The following NEMP2 variants were observed in gnomAD, a reference collection of about 807,000 sequenced individuals.
NEMP2 encodes nuclear envelope integral membrane protein 2, also known as UPF0571 transmembrane protein.
NEMP2 carries 53 observed loss-of-function variants against 54.2 expected under a neutral mutation model. That is an observed-to-expected ratio of 0.98 (90% confidence interval 0.78 to 1.23). NEMP2 has a LOEUF of 1.23. NEMP2 is among the 50% of genes most tolerant of loss of function. The probability of loss-of-function intolerance (pLI) is 0.00; values close to 1 mark genes in which losing one functional copy is unlikely to be tolerated. For synonymous variants in NEMP2, 197 were observed against 190.3 expected (o/e 1.04, Z -0.29); for missense variants, 455 against 511.3 (o/e 0.89, Z 1.06).
chr2:190,621,436 T>G, the NEMP2 span, among the ~76,000 whole-genome samples: 1 of 152,214 alleles, frequency 6.6e-6, no homozygotes, highest in African/African-American at 2.4e-5. Context: ...ATATATGTGG[T>G]CTGTCATTGA....
At chr2:190,489,996 T>A in the NEMP2 span, 1 of 664,844 alleles carries the variant, frequency 1.5e-6, no homozygotes, top group Non-Finnish European at 2.5e-6. This position sits in a 1 kb window ranked among gnomAD's most constrained non-coding sequence, Gnocchi z 6.6. Flanking sequence ...CTGAGTGGCG[T>A]ATCGATGAAT....
chr2:190,552,066 C>T, the NEMP2 span, among the ~76,000 whole-genome samples: 1 of 152,202 alleles, frequency 6.6e-6, no homozygotes, highest in Non-Finnish European at 1.5e-5. Context: ...TGCTTAAGCA[C>T]TCTCAGTCTT....
the NEMP2 span, chr2:190,469,888 C>CT: frequency 6.8e-7 from 1 of 1,480,900 alleles, no homozygotes; most frequent in Non-Finnish European, 9.4e-7. The surrounding 1 kb of genome is among the most constrained non-coding windows in gnomAD (Gnocchi z 5.3). Context: ...AATTATTTCT[C>CT]TGCCTTCCCT....
chr2:190,639,643 T>TG, the NEMP2 span, among the ~76,000 whole-genome samples: 2 of 151,580 alleles, frequency 1.3e-5, no homozygotes, highest in African/African-American at 4.8e-5. Context: ...TGAGTTTTTT[T>TG]TTTTTGTTTT....
At chr2:190,460,409 G>T in the NEMP2 span, among the ~76,000 whole-genome samples, 49 of 152,074 alleles carry the variant, frequency 3.2e-4, no homozygotes, top group South Asian at 9.3e-3. Context: ...ATACACTCGC[G>T]TATGCACACA....
chr2:190,518,746 TC>T lies in NEMP2; in HGVS notation c.507del (p.Thr170ProfsTer2). On this transcript the variant is annotated frameshift_variant, in exon 4 of 9. Coordinates refer to ENST00000409150, the MANE Select transcript of NEMP2 (RefSeq NM_001142645.2). LOFTEE classifies it high-confidence loss of function. ...AAAAGGAATACTTACTGACTCAGGG[TC>T]CTTGCATAAAAGAAAAGAAAAACTC... is the stretch of plus-strand genomic sequence containing the variant. ...VAGVFLFFYA[R>X]TLSQSPTFYY... The T allele has an allele frequency of 6.5e-7, 1 of 1,542,766 alleles. No individual in the cohort carries two copies. The highest frequency in any genetic ancestry group is 8.7e-7 in the Non-Finnish European group (1 of 1,144,700).
chr2:190,579,146 T>C, the NEMP2 span, among the ~76,000 whole-genome samples: 4 of 152,124 alleles, frequency 2.6e-5, no homozygotes, highest in African/African-American at 7.2e-5. Flanking sequence ...TGTGTCCTTT[T>C]TGATGGCCTT....
chr2:190,458,705 G>C, the NEMP2 span, among the ~76,000 whole-genome samples: 1 of 152,182 alleles, frequency 6.6e-6, no homozygotes, highest in African/African-American at 2.4e-5. This position sits in a 1 kb window ranked among gnomAD's most constrained non-coding sequence, Gnocchi z 5.3. Context: ...CTCTTTCAGT[G>C]AAAGTGGCAA....
the NEMP2 span, among the ~76,000 whole-genome samples, chr2:190,575,743 C>T: frequency 3.3e-5 from 5 of 152,082 alleles, no homozygotes; most frequent in Non-Finnish European, 7.4e-5. Context: ...GTAATCCCAG[C>T]TACTTGGGAG....
At chr2:190,597,678 G>T in the NEMP2 span, among the ~76,000 whole-genome samples, 1 of 152,088 alleles carries the variant, frequency 6.6e-6, no homozygotes, top group Non-Finnish European at 1.5e-5. This position sits in a 1 kb window ranked among gnomAD's most constrained non-coding sequence, Gnocchi z 4.7. Flanking sequence ...CCAGGCTAAG[G>T]CACAGCCACA....
At chr2:190,532,198 A>G (rs184567227) in intron 1 of NEMP2, among the ~76,000 whole-genome samples, 1 of 152,334 alleles carries the variant, frequency 6.6e-6, no homozygotes, top group East Asian at 1.9e-4. Flanking sequence ...TTTTTTGTAA[A>G]TACACATTTT....
the NEMP2 span, among the ~76,000 whole-genome samples, chr2:190,638,818 C>A: frequency 2.0e-5 from 3 of 152,100 alleles, no homozygotes; most frequent in Non-Finnish European, 4.4e-5. This position sits in a 1 kb window ranked among gnomAD's most constrained non-coding sequence, Gnocchi z 5.7. Context: ...GGGCTCTGCT[C>A]TCCTCCCCTA....
chr2:190,544,340 A>C, the NEMP2 span, among the ~76,000 whole-genome samples: 1 of 152,190 alleles, frequency 6.6e-6, no homozygotes, highest in Admixed American at 6.5e-5. Flanking sequence ...AATAAAAATA[A>C]ATGATATTGT....
chr2:190,536,395 G>A (rs1574327784), upstream of NEMP2, among the ~76,000 whole-genome samples: 1 of 152,098 alleles, frequency 6.6e-6, no homozygotes, highest in Non-Finnish European at 1.5e-5. Flanking sequence ...GAAACACTAG[G>A]GCTCTGTGTC....
chr2:190,435,640 AGTGTTTATTTTCAACTCTCT>A, the NEMP2 span, among the ~76,000 whole-genome samples: 1 of 46,062 alleles, frequency 2.2e-5, no homozygotes. Flanking sequence ...AACTATAAAC[AGTGTTTATTTTCAACTCTCT>A]GTGTTTGGTT....
chr2:190,538,220 G>A (rs903216010), upstream of NEMP2, among the ~76,000 whole-genome samples: 1 of 152,078 alleles, frequency 6.6e-6, no homozygotes, highest in Non-Finnish European at 1.5e-5. This position sits in a 1 kb window ranked among gnomAD's most constrained non-coding sequence, Gnocchi z 4.1. Flanking sequence ...ATGAGAACAT[G>A]TGATATTTGT....
At chr2:190,607,331 T>C in the NEMP2 span, among the ~76,000 whole-genome samples, 1 of 151,924 alleles carries the variant, frequency 6.6e-6, no homozygotes. This position sits in a 1 kb window ranked among gnomAD's most constrained non-coding sequence, Gnocchi z 5.2. Context: ...TGGTAAGGAG[T>C]GGGCTGTGGT....
the NEMP2 span, among the ~76,000 whole-genome samples, chr2:190,552,856 A>T: frequency 6.6e-6 from 1 of 152,178 alleles, no homozygotes; most frequent in African/African-American, 2.4e-5. Context: ...TCTCAATGTT[A>T]TAAAATCCTC....
chr2:190,447,498 GTCATAGCACATA>G, the NEMP2 span, among the ~76,000 whole-genome samples: 1,578 of 152,214 alleles, frequency 0.01, 33 homozygotes, highest in African/African-American at 0.035. The surrounding 1 kb of genome is among the most constrained non-coding windows in gnomAD (Gnocchi z 4.5). Flanking sequence ...TATAGTCTGT[GTCATAGCACATA>G]TGAAAAAATG....
Sources: gnomAD v4.1 joint callset for allele counts (sites outside exome capture counted in the v4.1 genomes callset) on GRCh38, gnomAD v4.1.1 for gene constraint, Gnocchi (gnomAD v3.1) non-coding constraint, MANE v1.5 for transcripts, NCBI Gene and HGNC (gene_info 2026-07-23, HGNC 2026-07-21) for gene names.